SH3RF3: variants seen among roughly 807,000 people sequenced by gnomAD.
SH3RF3 encodes E3 ubiquitin-protein ligase SH3RF3.
In SH3RF3, 29 loss-of-function variants were observed where a neutral mutation model predicts 66.3. That is an observed-to-expected ratio of 0.44 (90% confidence interval 0.33 to 0.60). The LOEUF (loss-of-function observed/expected upper bound fraction) is 0.60, where lower values mean the gene tolerates loss of function less well. Among genes scored for constraint, SH3RF3 ranks in the 20% least tolerant of loss-of-function variants. The pLI, the probability that SH3RF3 is intolerant of heterozygous loss-of-function variation, is 0.04. For synonymous variants in SH3RF3, 583 were observed against 532.0 expected, an observed-to-expected ratio of 1.10 and a Z score of -1.32; for missense variants, 1,194 against 1,190.9, an observed-to-expected ratio of 1.00 and a Z score of -0.04.
At chr2:109,269,442 C>A (rs1350936336) in intron 1 of SH3RF3, among the ~76,000 whole-genome samples, 3 of 152,186 alleles carry the variant, frequency 2.0e-5, no homozygotes, top group Non-Finnish European at 4.4e-5. Context: ...CTTTAAGAAT[C>A]CAGCCCCCCT....
intron 1 of SH3RF3, among the ~76,000 whole-genome samples, chr2:109,213,805 G>A (rs1679047453): frequency 6.6e-6 from 1 of 152,212 alleles, no homozygotes; most frequent in African/African-American, 2.4e-5. Flanking sequence ...AGGGTGTGGT[G>A]TGGTGTGGTG....
chr2:109,241,719 C>T (rs1361841385), intron 1 of SH3RF3, among the ~76,000 whole-genome samples: 2 of 152,010 alleles, frequency 1.3e-5, no homozygotes, highest in Non-Finnish European at 2.9e-5. Context: ...GCTTCTGTAT[C>T]TGCCAGTTTT....
intron 7 of SH3RF3, among the ~76,000 whole-genome samples, chr2:109,444,651 G>A (rs1677658416): frequency 6.6e-6 from 1 of 152,176 alleles, no homozygotes; most frequent in African/African-American, 2.4e-5. Context: ...CCTCTCTGCA[G>A]GACCAGAACT....
Position 109,502,349 on chromosome 2 carries a change from G to C in SH3RF3, c.*678G>C, listed in dbSNP as rs564188582. ...TACAGCATATTTTTAACATAAAGCT[G>C]TTAGACTTTATATATTTCTAATAGG... On this transcript the variant is annotated 3_prime_UTR_variant, in exon 10 of 10. Transcript: ENST00000309415. 6.6e-6 allele frequency: 1 copy of C among 152,334 alleles called. No individual in the cohort carries two copies. Among genetic ancestry groups the C allele is most frequent in the East Asian group, 1.9e-4 (1 of 5,180 alleles). 9.4% of individuals were successfully genotyped at this position (152,334 alleles called of 1,614,324 possible).
chr2:109,241,487 A>G (rs1037042429), intron 1 of SH3RF3, among the ~76,000 whole-genome samples: 2 of 152,020 alleles, frequency 1.3e-5, no homozygotes, highest in African/African-American at 2.4e-5. Flanking sequence ...GAAATTTCCT[A>G]CATAAGCTCG....
At chr2:109,354,612 T>C (rs1559039908) in intron 2 of SH3RF3, among the ~76,000 whole-genome samples, 2 of 152,244 alleles carry the variant, frequency 1.3e-5, no homozygotes, top group African/African-American at 4.8e-5. Flanking sequence ...CCCAAATGCC[T>C]GATATGTGAG....
At chr2:109,280,896 A>G (rs1680874076) in intron 1 of SH3RF3, among the ~76,000 whole-genome samples, 1 of 152,200 alleles carries the variant, frequency 6.6e-6, no homozygotes, top group Admixed American at 6.5e-5. Context: ...AAGTGGGTGC[A>G]TTATCCTCAC....
At chr2:109,264,533 A>C (rs903629097) in intron 1 of SH3RF3, among the ~76,000 whole-genome samples, 3 of 152,258 alleles carry the variant, frequency 2.0e-5, no homozygotes, top group Non-Finnish European at 4.4e-5. Context: ...AAGTGAATCA[A>C]GTCTCAGGGC....
chr2:109,434,197 G>A (rs980626748), intron 6 of SH3RF3, among the ~76,000 whole-genome samples: 4 of 152,214 alleles, frequency 2.6e-5, no homozygotes, highest in Admixed American at 6.5e-5. Flanking sequence ...CCAGGAAGGC[G>A]CAGCCTGAGA....
intron 1 of SH3RF3, among the ~76,000 whole-genome samples, chr2:109,315,245 A>C (rs1365537317): frequency 6.6e-6 from 1 of 152,218 alleles, no homozygotes; most frequent in Non-Finnish European, 1.5e-5. Context: ...GTCTCTCCAT[A>C]GTAAGGCAGA....
chr2:109,499,137 C>A (rs187174130), intron 9 of SH3RF3, among the ~76,000 whole-genome samples: 92 of 152,180 alleles, frequency 6.0e-4, no homozygotes, highest in African/African-American at 2.2e-3. Flanking sequence ...GGGCAGCCGC[C>A]AGGACCAGGA....
chr2:109,335,501 C>T (rs572575065), intron 1 of SH3RF3, among the ~76,000 whole-genome samples: 1 of 152,332 alleles, frequency 6.6e-6, no homozygotes, highest in African/African-American at 2.4e-5. Context: ...TCCACGTGTC[C>T]CTCAGTTACC....
intron 1 of SH3RF3, among the ~76,000 whole-genome samples, chr2:109,267,753 CAG>C (rs1032206026): frequency 1.4e-4 from 21 of 152,358 alleles, no homozygotes; most frequent in Admixed American, 1.4e-3. Flanking sequence ...AAGCATCAGA[CAG>C]AACACAGTTC....
At chr2:109,194,219 G>A (rs1261495860) in intron 1 of SH3RF3, among the ~76,000 whole-genome samples, 1 of 152,222 alleles carries the variant, frequency 6.6e-6, no homozygotes, top group Non-Finnish European at 1.5e-5. Flanking sequence ...TGCAGACCAC[G>A]TTTCAGGAAC....
intron 1 of SH3RF3, among the ~76,000 whole-genome samples, chr2:109,197,740 C>T (rs1441968111): frequency 6.6e-6 from 1 of 152,252 alleles, no homozygotes; most frequent in Non-Finnish European, 1.5e-5. Flanking sequence ...AAGGGTGGCC[C>T]TGGCCCCTAT....
chr2:109,343,342 G>T (rs1481903201), intron 1 of SH3RF3, among the ~76,000 whole-genome samples: 1 of 152,054 alleles, frequency 6.6e-6, no homozygotes, highest in Non-Finnish European at 1.5e-5. Flanking sequence ...CAAATAAACT[G>T]CCTCTCGGCA....
At chr2:109,434,316 A>G (rs1460040242) in intron 6 of SH3RF3, among the ~76,000 whole-genome samples, 1 of 152,248 alleles carries the variant, frequency 6.6e-6, no homozygotes, top group African/African-American at 2.4e-5. Context: ...GCAGCAGGTT[A>G]GAGCAGCAGC....
At chr2:109,175,792 G>A (rs751848948) in intron 1 of SH3RF3, among the ~76,000 whole-genome samples, 1 of 152,154 alleles carries the variant, frequency 6.6e-6, no homozygotes, top group Non-Finnish European at 1.5e-5. Flanking sequence ...CTAGAGTAAG[G>A]AGTAATTCAT....
chr2:109,434,221 C>A (rs1383237796), intron 6 of SH3RF3, among the ~76,000 whole-genome samples: 1 of 152,250 alleles, frequency 6.6e-6, no homozygotes, highest in Non-Finnish European at 1.5e-5. Flanking sequence ...CGGGTGTCCA[C>A]ACCTCTGGGC....
Sources: allele counts gnomAD v4.1 joint callset (sites outside exome capture counted in the v4.1 genomes callset), GRCh38; gene constraint gnomAD v4.1.1; transcripts MANE v1.5; gene names NCBI Gene and HGNC (gene_info 2026-07-23, HGNC 2026-07-21).